USH1C: variants seen among roughly 807,000 people sequenced by gnomAD.
USH1C encodes the protein USH1 protein network component harmonin, also known as harmonin.
In USH1C, 90 loss-of-function variants were observed where a neutral mutation model predicts 119.3. That is an observed-to-expected ratio of 0.75 (90% CI 0.64 to 0.90). USH1C has a LOEUF of 0.90. USH1C is among the 40% of genes least tolerant of loss of function. The pLI is 0.00. For missense variants in USH1C, 1,165 were observed against 1,167.7 expected (o/e 1.00, Z 0.03); for synonymous variants, 465 against 443.3 (o/e 1.05, Z -0.62).
intron 13 of USH1C, 94 bp downstream of exon 13, chr11:17,521,252 G>A (rs945724305): frequency 2.2e-6 from 3 of 1,361,148 alleles, no homozygotes; most frequent in African/African-American, 2.8e-5. Context: ...GAGAGAACCA[G>A]GTAAACTGGT....
chr11:17,515,093 C>T (rs537813193), intron 15 of USH1C, among the ~76,000 whole-genome samples: 1 of 149,996 alleles, frequency 6.7e-6, no homozygotes, highest in South Asian at 2.1e-4. Flanking sequence ...GTTTTGTCCT[C>T]TCTAGCTGAG....
intron 26 of USH1C, among the ~76,000 whole-genome samples, chr11:17,495,299 C>A (rs1359693277): frequency 6.6e-6 from 1 of 152,200 alleles, no homozygotes; most frequent in Non-Finnish European, 1.5e-5. Flanking sequence ...GCTTGGGACC[C>A]AAAGCAGGTC....
intron 1 of USH1C, among the ~76,000 whole-genome samples, chr11:17,540,118 C>T (rs1005455330): frequency 7.2e-5 from 11 of 152,128 alleles, no homozygotes; most frequent in Middle Eastern, 3.2e-3. Flanking sequence ...AGGCGTGAGC[C>T]GCCACACCTG....
chr11:17,521,335 G>A lies in USH1C; in HGVS notation c.1085+11C>T, dbSNP rs767995800. 1.0e-4 allele frequency: 165 copies of A among 1,613,820 alleles called. No homozygotes were observed. Among genetic ancestry groups the A allele is most frequent in the Non-Finnish European group, 1.3e-4 (154 of 1,179,870 alleles). ...TTCATGCACAGACACGCGTGGAGCC[G>A]AGGTACTCACTGTTCCATCTCCTTC... is the stretch of plus-strand genomic sequence containing the variant. On this transcript the variant is annotated intron_variant, in intron 13 of 26. Transcript: ENST00000005226.
At chr11:17,535,436 C>T (rs770573892) in intron 1 of USH1C, among the ~76,000 whole-genome samples, 2 of 152,062 alleles carry the variant, frequency 1.3e-5, no homozygotes, top group Non-Finnish European at 1.5e-5. Context: ...TCCTGCACCC[C>T]GGAGATGTTT....
At position 17,501,514 on chromosome 11, in the gene USH1C, C is replaced by T. The variant is rs1849445634; in HGVS notation, c.2248G>A (p.Gly750Arg). The part of the protein sequence containing the change: ...YSMFTPEQIM[G>R]KDVRLLRIKK... ...ATGCGTAGGAGCCGGACATCCTTCCCCATGATCTGCTCTGGGGTGAACTAG... is the reference window on the plus strand; with the variant it reads ...ATGCGTAGGAGCCGGACATCCTTCCTCATGATCTGCTCTGGGGTGAACTAG... The change falls in exon 22 of 27, where the codon GGG (glycine) becomes AGG (arginine). Residue 750 changes from glycine to arginine, a missense_variant. By Grantham distance (125) the Gly-to-Arg change is moderately radical. Transcript: ENST00000005226. The T allele has an allele frequency of 6.2e-7, 1 of 1,613,050 alleles. No homozygotes were observed. Among genetic ancestry groups the T allele is most frequent in the East Asian group, 2.2e-5 (1 of 44,864 alleles).
intron 15 of USH1C, 88 bp from the exon 16 acceptor site, chr11:17,512,142 C>G: frequency 1.4e-6 from 2 of 1,446,798 alleles, no homozygotes; most frequent in Non-Finnish European, 1.9e-6. Context: ...TCACATAACA[C>G]AACCATCCCA....
intron 24 of USH1C, among the ~76,000 whole-genome samples, chr11:17,497,948 T>C (rs1849299963): frequency 6.6e-6 from 1 of 152,256 alleles, no homozygotes; most frequent in Non-Finnish European, 1.5e-5. Flanking sequence ...ACTGGCTTTT[T>C]GGATCCAAGG....
At chr11:17,541,103 T>A (rs1851448559) in intron 1 of USH1C, among the ~76,000 whole-genome samples, 1 of 152,126 alleles carries the variant, frequency 6.6e-6, no homozygotes, top group Non-Finnish European at 1.5e-5. Context: ...TGTGGCTCCT[T>A]CTCCTCACTT....
At chr11:17,512,508 T>A (rs1412457723) in intron 15 of USH1C, among the ~76,000 whole-genome samples, 1 of 152,252 alleles carries the variant, frequency 6.6e-6, no homozygotes, top group Non-Finnish European at 1.5e-5. Context: ...GATTTTCCAG[T>A]ATCTGGCACA....
chr11:17,494,149 G>T lies in USH1C; in HGVS notation c.*183C>A. 1.4e-6 allele frequency: 1 copy of T among 693,926 alleles called. No individual in the cohort carries two copies. The highest frequency in any genetic ancestry group is 2.5e-6 in the Non-Finnish European group (1 of 394,910). 43.0% of individuals were successfully genotyped at this position (693,926 alleles called of 1,614,324 possible). A position where few individuals can be genotyped will look rare whatever the true frequency, so the allele number is the denominator to read the frequency against. On this transcript the variant is annotated 3_prime_UTR_variant, in exon 27 of 27. Coordinates refer to ENST00000005226, the MANE Select transcript of USH1C (RefSeq NM_153676.4). ...CTGGCTGCTCCCTTTCCTCCACGTT[G>T]GCCTTCAGAAGAGTGGCCCGAGCTG...
Position 17,528,532 on chromosome 11 carries a change from G to T in USH1C, c.388-1201C>A, listed in dbSNP as rs1850816249. Among the ~76,000 whole-genome samples the T allele has an allele frequency of 2.0e-5, 3 of 152,310 alleles. No homozygotes were observed. The South Asian group carries it at 6.2e-4, about 32-fold the overall frequency. On this transcript the variant is annotated intron_variant, in intron 4 of 26. Transcript: ENST00000005226. ...TCTGAGGCCAGTGCAGGTCAGCTGG[G>T]GGCTTAACTCGAAACACACGTGCTC...
intron 16 of USH1C, 142 bp downstream of exon 16, chr11:17,511,760 A>G: frequency 1.0e-6 from 1 of 980,604 alleles, no homozygotes; most frequent in Non-Finnish European, 1.5e-6. Flanking sequence ...CTCTCTCTCC[A>G]GGCTGGGGAG....
In USH1C at chr11:17,509,720, A is replaced by G; in HGVS notation, c.1649T>C (p.Met550Thr). ...GGGAGTCTTGGGGGGATAGTAGAAC[A>G]TGTCCAAAGGGATGTCGTCCAGGTC... ...TTDLDDIPLDMFYYPPKTPSA... is the reference protein window; with the variant it reads ...TTDLDDIPLDTFYYPPKTPSA... The change falls in exon 18 of 27, where the codon ATG becomes ACG. Residue 550 changes from methionine (M) to threonine (T), a missense_variant. Transcript: ENST00000005226. 1 of 1,599,690 alleles carries G rather than the reference A, an allele frequency of 6.3e-7. No homozygotes were observed. The highest frequency in any genetic ancestry group is 8.5e-7 in the Non-Finnish European group (1 of 1,178,866).
At chr11:17,516,515 G>A in intron 14 of USH1C, 1 of 575,504 alleles carries the variant, frequency 1.7e-6, no homozygotes. Context: ...CGGTTCCCAG[G>A]CCCTGGGTCA....
chr11:17,505,552 A>G (rs931290102), intron 19 of USH1C, among the ~76,000 whole-genome samples: 5 of 152,234 alleles, frequency 3.3e-5, no homozygotes, highest in African/African-American at 1.2e-4. Flanking sequence ...AGAGCCTGGT[A>G]TATAGTAGGC....
intron 26 of USH1C, 113 bp downstream of exon 26, chr11:17,495,455 GC>G: frequency 9.1e-7 from 1 of 1,102,160 alleles, no homozygotes; most frequent in African/African-American, 1.5e-5. Context: ...CAGGGATGGC[GC>G]CTTGTGTACC....
At chr11:17,539,463 C>A (rs568813335) in intron 1 of USH1C, among the ~76,000 whole-genome samples, 1 of 151,992 alleles carries the variant, frequency 6.6e-6, no homozygotes, top group Non-Finnish European at 1.5e-5. Context: ...AGAGATTAAT[C>A]ATTGTTTTTT....
chr11:17,541,627 A>G (rs554798852), intron 1 of USH1C, among the ~76,000 whole-genome samples: 1 of 152,344 alleles, frequency 6.6e-6, no homozygotes, highest in Non-Finnish European at 1.5e-5. Context: ...GAGGGAGAAA[A>G]CAGTCTCTGA....
Sources: allele counts gnomAD v4.1 joint callset (sites outside exome capture counted in the v4.1 genomes callset), GRCh38; gene constraint gnomAD v4.1.1; transcripts MANE v1.5; gene names NCBI Gene and HGNC (gene_info 2026-07-23, HGNC 2026-07-21).